Variants in IGSF10 observed in about 807,000 individuals in gnomAD.
The protein encoded by IGSF10 is immunoglobulin superfamily member 10, also known as calvaria mechanical force protein 608.
A neutral mutation model predicts 128.2 loss-of-function variants in IGSF10; 126 were observed. The observed-to-expected ratio is 0.98, with a 90% confidence interval of 0.85 to 1.14. IGSF10 has a LOEUF of 1.14. Ranked by LOEUF, IGSF10 falls within the 50% of genes most tolerant of loss-of-function variation. The probability of loss-of-function intolerance (pLI) is 0.00; values close to 1 mark genes in which losing one functional copy is unlikely to be tolerated. For synonymous variants in IGSF10, 1,185 were observed against 1,146.2 expected (o/e 1.03, Z -0.68); for missense variants, 3,295 against 3,149.8 (o/e 1.05, Z -1.10).
In IGSF10 at chr3:151,457,731, G is replaced by C. The variant is rs75219925; in HGVS notation, c.195-576C>G. 3.3e-3 allele frequency among the ~76,000 whole-genome samples: 496 copies of C among 152,276 alleles called. 1 individual carries two copies. The highest frequency in any genetic ancestry group is 0.011 in the African/African-American group (467 of 41,548). Reference sequence around the variant, plus strand: ...CCAAAGGGGTTATGAGGATTAAATGGATGCAGTGCTTAACCCAATGCCAGC... The same window carrying C: ...CCAAAGGGGTTATGAGGATTAAATGCATGCAGTGCTTAACCCAATGCCAGC... On this transcript the variant is annotated intron_variant, in intron 3 of 7. Transcript: ENST00000282466.
In IGSF10 at chr3:151,453,434, G is replaced by A; in HGVS notation, c.665C>T (p.Thr222Ile). The A allele has an allele frequency of 1.9e-6, 3 of 1,613,120 alleles. No individual in the cohort carries two copies. Among genetic ancestry groups the A allele is most frequent in the Non-Finnish European group, 2.5e-6 (3 of 1,179,734 alleles). The change falls in exon 5 of 8, where the codon ACC (threonine) becomes ATC (isoleucine). Residue 222 changes from threonine (T) to isoleucine (I), a missense_variant. Coordinates refer to ENST00000282466, the MANE Select transcript of IGSF10 (RefSeq NM_178822.5). ...CAACCACTTTAAATGGCAATCACAG[G>A]TCCATGGGTTTCCATGCAGGTAAAG... is the stretch of plus-strand genomic sequence containing the variant. ...DSLYLHGNPWTCDCHLKWLSD... is the reference protein window; with the variant it reads ...DSLYLHGNPWICDCHLKWLSD...
chr3:151,447,895 C>A lies in IGSF10; in HGVS notation c.2086G>T (p.Ala696Ser), dbSNP rs760989100. ...PIAHLKEPPG[A>S]QLRTSALMEA... Reference sequence around the variant, plus strand: ...ATCAGAGCAGATGTACGGAGTTGTGCACCTGGTGGCTCCTTAAGATGAGCA... The same window carrying A: ...ATCAGAGCAGATGTACGGAGTTGTGAACCTGGTGGCTCCTTAAGATGAGCA... Residue 696 changes from alanine to serine, a missense_variant, in exon 6 of 8, where the codon GCA becomes TCA. Coordinates refer to ENST00000282466, the MANE Select transcript of IGSF10 (RefSeq NM_178822.5). 6.2e-7 allele frequency: 1 copy of A among 1,614,062 alleles called. No homozygotes were observed. The highest frequency in any genetic ancestry group is 1.3e-5 in the African/African-American group (1 of 75,002).
the IGSF10 span, among the ~76,000 whole-genome samples, chr3:151,574,117 T>C: frequency 6.6e-6 from 1 of 152,236 alleles, no homozygotes; most frequent in Non-Finnish European, 1.5e-5. Flanking sequence ...CTTTTGTGGG[T>C]AACCCGACCT....
the IGSF10 span, among the ~76,000 whole-genome samples, chr3:151,497,275 C>T: frequency 6.6e-6 from 1 of 152,128 alleles, no homozygotes; most frequent in Non-Finnish European, 1.5e-5. Context: ...AATGGTATTG[C>T]CTAGGTTTTC....
chr3:151,477,307 A>C, the IGSF10 span, among the ~76,000 whole-genome samples: 1 of 152,186 alleles, frequency 6.6e-6, no homozygotes, highest in African/African-American at 2.4e-5. Flanking sequence ...AGTAGGGAAA[A>C]GTAACGAAGT....
At chr3:151,469,173 A>T in the IGSF10 span, among the ~76,000 whole-genome samples, 4 of 152,182 alleles carry the variant, frequency 2.6e-5, no homozygotes, top group Non-Finnish European at 5.9e-5. Context: ...TGTCTTTGCT[A>T]TCGTGAATAG....
chr3:151,461,004 C>T lies in IGSF10; in HGVS notation c.-147G>A, dbSNP rs1722030270. ...CCCGGGCTAGGTCCCGGGCTCGGTC[C>T]CGGGCTCAGCTGCTGGGGTCGTGCG... is the stretch of plus-strand genomic sequence containing the variant. On this transcript the variant is annotated 5_prime_UTR_variant, in exon 1 of 8. Coordinates refer to ENST00000282466, the MANE Select transcript of IGSF10 (RefSeq NM_178822.5). The T allele has an allele frequency of 1.0e-6, 1 of 985,338 alleles. No homozygotes were observed. Among genetic ancestry groups the T allele is most frequent in the Non-Finnish European group, 1.2e-6 (1 of 829,886 alleles). The allele number at this position is 985,338 out of a possible 1,614,324, so 61.0% of individuals were successfully genotyped here.
chr3:151,466,164 T>C, the IGSF10 span, among the ~76,000 whole-genome samples: 1 of 152,212 alleles, frequency 6.6e-6, no homozygotes. Flanking sequence ...TTAATTTGTC[T>C]GAAGTTTTAA....
rs779323317 is a variant in IGSF10 at position 151,447,361 on chromosome 3, T to C, written c.2620A>G (p.Ile874Val). The change falls in exon 6 of 8, where the codon ATA (isoleucine) becomes GTA (valine). Residue 874 changes from isoleucine to valine, a missense_variant. Transcript: ENST00000282466. ...ATTTGGCTTGACATGGTTGGGTTTA[T>C]ATTCTTTGACATGGCTGTAGTTTTA... Reference protein sequence around the residue: ...AIKTTAMSKNINPTMSSQIQG... With the variant: ...AIKTTAMSKNVNPTMSSQIQG... 6.2e-7 allele frequency: 1 copy of C among 1,614,232 alleles called. No individual in the cohort carries two copies. The highest frequency in any genetic ancestry group is 1.1e-5 in the South Asian group (1 of 91,084).
At chr3:151,499,444 C>A in the IGSF10 span, among the ~76,000 whole-genome samples, 1 of 152,072 alleles carries the variant, frequency 6.6e-6, no homozygotes, top group East Asian at 1.9e-4. Flanking sequence ...CTTGCCCCAC[C>A]CAATTCTCAG....
rs963050918 is a variant in IGSF10 at position 151,443,358 on chromosome 3, G to A, written c.5589C>T (p.Pro1863=). ...VGTWGESLKL[P]CTAKGTPQPS... is the part of the protein sequence containing the mutation. ...GCTGAGGAGTTCCTTTTGCAGTACA[G>A]GGCAGTTTTAAACTTTCACCCCAAG... The change falls in exon 7 of 8, where the codon CCC becomes CCT. Residue 1863 remains proline, a synonymous_variant. Coordinates refer to ENST00000282466, the MANE Select transcript of IGSF10 (RefSeq NM_178822.5). The A allele has an allele frequency of 1.2e-6, 2 of 1,614,124 alleles. No individual in the cohort carries two copies. Among genetic ancestry groups the A allele is most frequent in the Admixed American group, 1.7e-5 (1 of 60,016 alleles).
the IGSF10 span, among the ~76,000 whole-genome samples, chr3:151,534,811 G>GTA: frequency 6.6e-6 from 1 of 151,246 alleles, no homozygotes; most frequent in Admixed American, 6.6e-5. Flanking sequence ...ATGTGTGTGT[G>GTA]TGTGTGTGTG....
the IGSF10 span, among the ~76,000 whole-genome samples, chr3:151,480,954 C>A: frequency 6.6e-4 from 100 of 152,246 alleles, no homozygotes; most frequent in Non-Finnish European, 1.1e-3. Context: ...AGTACCCTGT[C>A]CCCCAGGGAC....
chr3:151,437,592 C>A lies in IGSF10; in HGVS notation c.6969G>T (p.Val2323=). The A allele has an allele frequency of 6.2e-7, 1 of 1,614,182 alleles. No homozygotes were observed. Among genetic ancestry groups the A allele is most frequent in the Non-Finnish European group, 8.5e-7 (1 of 1,180,040 alleles). The change falls in exon 8 of 8, where the codon GTG becomes GTT. Residue 2323 remains valine, a synonymous_variant. Coordinates refer to ENST00000282466, the MANE Select transcript of IGSF10 (RefSeq NM_178822.5). ...CCAGTACTTCTAACTGTACTACCAA[C>A]ACGCTCTCTCCACCTTCATTTCGGG... is the stretch of plus-strand genomic sequence containing the variant. The part of the protein sequence containing the change: ...CVARNEGGES[V]LVVQLEVLEM...
At chr3:151,552,076 T>C in the IGSF10 span, among the ~76,000 whole-genome samples, 1 of 152,236 alleles carries the variant, frequency 6.6e-6, no homozygotes, top group African/African-American at 2.4e-5. Flanking sequence ...CGGGGACAGA[T>C]TTCCTTCCCC....
chr3:151,618,455 G>A, the IGSF10 span, among the ~76,000 whole-genome samples: 1 of 152,180 alleles, frequency 6.6e-6, no homozygotes. Context: ...TGTTTGCCGG[G>A]CGCGGTGGCT....
chr3:151,482,471 A>G, the IGSF10 span, among the ~76,000 whole-genome samples: 1 of 152,204 alleles, frequency 6.6e-6, no homozygotes, highest in African/African-American at 2.4e-5. Flanking sequence ...CAGAGGAAAG[A>G]ATCTATGAAC....
the IGSF10 span, among the ~76,000 whole-genome samples, chr3:151,488,847 G>A: frequency 6.6e-6 from 1 of 152,138 alleles, no homozygotes; most frequent in Non-Finnish European, 1.5e-5. Flanking sequence ...AGACTTAAAT[G>A]TAAGACCTAA....
chr3:151,542,292 GAC>G, the IGSF10 span, among the ~76,000 whole-genome samples: 1 of 151,894 alleles, frequency 6.6e-6, no homozygotes, highest in African/African-American at 2.4e-5. Context: ...CATAATATAA[GAC>G]ACATATAGTA....
Sources: gnomAD v4.1 joint callset for allele counts (sites outside exome capture counted in the v4.1 genomes callset) on GRCh38, gnomAD v4.1.1 for gene constraint, MANE v1.5 for transcripts, NCBI Gene and HGNC (gene_info 2026-07-23, HGNC 2026-07-21) for gene names.